The following CADPS variants were observed in gnomAD, a reference collection of about 807,000 sequenced individuals.
The protein encoded by CADPS is calcium dependent secretion activator, also known as calcium-dependent secretion activator 1.
CADPS carries 57 observed loss-of-function variants against 167.3 expected under a neutral mutation model. The observed-to-expected ratio is 0.34, with a 90% CI of 0.28 to 0.42. CADPS has a LOEUF of 0.42. Ranked by LOEUF, CADPS falls within the 20% of genes least tolerant of loss-of-function variation. The pLI is 1.00. For synonymous variants in CADPS, 676 were observed against 635.3 expected (o/e 1.06, Z -0.96); for missense variants, 1,414 against 1,738.1 (o/e 0.81, Z 3.32).
chr3:62,626,407 C>A, intron 6 of CADPS: 3 of 649,538 alleles, frequency 4.6e-6, no homozygotes, highest in African/African-American at 1.8e-5. Flanking sequence ...GAGTGTAAAC[C>A]AGGGAAATAC....
chr3:62,481,938 G>A (rs1011943662), intron 21 of CADPS, 69 bp from the exon 22 acceptor site: 36 of 1,449,806 alleles, frequency 2.5e-5, no homozygotes, highest in East Asian at 7.1e-5. Context: ...AGAAGCACAC[G>A]ACAATTGTAA....
intron 3 of CADPS, among the ~76,000 whole-genome samples, chr3:62,687,492 T>A (rs770533620): frequency 6.6e-6 from 1 of 152,000 alleles, no homozygotes. Context: ...ATGAAAGGAC[T>A]TTGTTGTTTT....
chr3:62,400,796 C>G (rs1374458976), intron 29 of CADPS, among the ~76,000 whole-genome samples: 1 of 152,034 alleles, frequency 6.6e-6, no homozygotes, highest in Non-Finnish European at 1.5e-5. Context: ...GACAGGGTTT[C>G]ACCATGTTGG....
chr3:62,399,605 A>AGT lies in CADPS; in HGVS notation c.3883-22_3883-21dup, dbSNP rs10650575. 86,418 of 1,605,140 alleles carry AGT rather than the reference A, an allele frequency of 0.054. 2,672 individuals are homozygous for AGT. The highest frequency in any genetic ancestry group is 0.14 in the Middle Eastern group (827 of 6,026). On this transcript the variant is annotated intron_variant, in intron 29 of 29. Coordinates refer to ENST00000383710, the MANE Select transcript of CADPS (RefSeq NM_003716.4). The surrounding 1 kb of genome is among the most constrained non-coding windows in gnomAD (Gnocchi z 5.6). ...GGTTTTCTAAGGAAGGAAAAGATAC[A>AGT]GTGATAAGAGAGATCTCATCTCCAT...
chr3:62,505,916 T>C (rs1231836650), intron 17 of CADPS, among the ~76,000 whole-genome samples: 1 of 152,168 alleles, frequency 6.6e-6, no homozygotes, highest in African/African-American at 2.4e-5. Flanking sequence ...TGCAGTGCTT[T>C]CATGAAAAAT....
intron 24 of CADPS, among the ~76,000 whole-genome samples, chr3:62,472,433 G>C (rs1251853258): frequency 1.1e-4 from 17 of 152,138 alleles, no homozygotes; most frequent in Admixed American, 1.1e-3. Flanking sequence ...TGAACTCAAA[G>C]GGATCTCAAT....
At chr3:62,664,356 T>C (rs1332542981) in intron 3 of CADPS, among the ~76,000 whole-genome samples, 1 of 152,202 alleles carries the variant, frequency 6.6e-6, no homozygotes, top group East Asian at 1.9e-4. Context: ...TTTTGCATAA[T>C]ACTCATAGAA....
chr3:62,563,365 G>A (rs1338104430), intron 9 of CADPS, among the ~76,000 whole-genome samples: 1 of 151,920 alleles, frequency 6.6e-6, no homozygotes, highest in African/African-American at 2.4e-5. Context: ...TGTATTCCAA[G>A]GCATTATATA....
chr3:62,530,479 C>T (rs754870251), intron 13 of CADPS, among the ~76,000 whole-genome samples: 6 of 151,986 alleles, frequency 3.9e-5, no homozygotes, highest in African/African-American at 1.5e-4. Context: ...TCCCAATACA[C>T]GGTATTTTTG....
intron 3 of CADPS, among the ~76,000 whole-genome samples, chr3:62,728,860 G>A (rs994656624): frequency 6.6e-6 from 1 of 151,896 alleles, no homozygotes; most frequent in African/African-American, 2.4e-5. Flanking sequence ...ACCTTAAGCA[G>A]CTTCTTGTGT....
intron 1 of CADPS, among the ~76,000 whole-genome samples, chr3:62,782,149 G>T (rs530555982): frequency 6.6e-6 from 1 of 152,322 alleles, no homozygotes; most frequent in South Asian, 2.1e-4. Flanking sequence ...TCAAAGGTGG[G>T]AGACAGAAAA....
At chr3:62,613,315 C>T (rs2061761122) in intron 6 of CADPS, among the ~76,000 whole-genome samples, 1 of 152,188 alleles carries the variant, frequency 6.6e-6, no homozygotes, top group Non-Finnish European at 1.5e-5. Flanking sequence ...TAATCTCTCT[C>T]TGTGGCTCAG....
rs144082599 is a variant in CADPS, at chr3:62,506,424, A to C, written c.2599+6327T>G. On this transcript the variant is annotated intron_variant, in intron 17 of 29. Coordinates refer to ENST00000383710, the MANE Select transcript of CADPS (RefSeq NM_003716.4). The stretch of plus-strand genomic sequence containing the variant: ...ACAAAAACTATTTAAGACAATTAAA[A>C]ATAATTTTATTTAACTTAATACAAA... Among the ~76,000 whole-genome samples, 347 of 152,346 alleles carry C rather than the reference A, an allele frequency of 2.3e-3. 1 individual carries two copies. Among genetic ancestry groups the C allele is most frequent in the African/African-American group, 7.9e-3 (328 of 41,592 alleles).
chr3:62,655,839 G>C (rs2071417781), intron 4 of CADPS, among the ~76,000 whole-genome samples: 1 of 152,092 alleles, frequency 6.6e-6, no homozygotes, highest in Non-Finnish European at 1.5e-5. Flanking sequence ...GTGTCAGGTT[G>C]GTATGGCTGT....
intron 23 of CADPS, among the ~76,000 whole-genome samples, chr3:62,474,781 C>T (rs765425198): frequency 1.3e-5 from 2 of 152,112 alleles, no homozygotes; most frequent in African/African-American, 2.4e-5. Flanking sequence ...ATGTTTATTG[C>T]TGTGGGTTTT....
At chr3:62,805,941 C>G (rs748813032) in intron 1 of CADPS, among the ~76,000 whole-genome samples, 1 of 152,146 alleles carries the variant, frequency 6.6e-6, no homozygotes, top group Non-Finnish European at 1.5e-5. Flanking sequence ...TCACCAGTAA[C>G]CTCCTCCCCT....
chr3:62,765,884 T>G lies in CADPS; in HGVS notation c.542A>C (p.Gln181Pro). 6.2e-7 allele frequency: 1 copy of G among 1,610,254 alleles called. No individual in the cohort carries two copies. The change falls in exon 2 of 30, where the codon CAG becomes CCG. Residue 181 changes from glutamine (Q) to proline (P), a missense_variant. Coordinates refer to ENST00000383710, the MANE Select transcript of CADPS (RefSeq NM_003716.4). The stretch of plus-strand genomic sequence containing the variant: ...AGTGATTCTCACCTCATAGTAACTC[T>G]GCACAGCGTTCATGAAGGCTTCGTC... Reference protein sequence around the residue: ...MADEAFMNAVQSYYEVFLKSD... With the variant: ...MADEAFMNAVPSYYEVFLKSD...
chr3:62,478,406 C>T lies in CADPS; in HGVS notation c.3184G>A (p.Gly1062Ser). ...AAIYDADNGS[G>S]TSEDLFWKLD... ...TTCCAAAACAGATCTTCTGAGGTGC[C>T]TGACCCATTACTGGCAGGACAAAAA... Residue 1062 changes from glycine (G) to serine (S), a missense_variant, in exon 23 of 30, where the codon GGC becomes AGC. Coordinates refer to ENST00000383710, the MANE Select transcript of CADPS (RefSeq NM_003716.4). The surrounding 1 kb of genome is among the most constrained non-coding windows in gnomAD (Gnocchi z 5.7). The T allele has an allele frequency of 6.2e-7, 1 of 1,613,556 alleles. No individual in the cohort carries two copies. The highest frequency in any genetic ancestry group is 8.5e-7 in the Non-Finnish European group (1 of 1,179,700).
chr3:62,657,069 G>A (rs1024015469), intron 4 of CADPS, among the ~76,000 whole-genome samples: 1 of 152,170 alleles, frequency 6.6e-6, no homozygotes, highest in African/African-American at 2.4e-5. Context: ...AACACAGCAT[G>A]GGTGCCATGT....
Sources: allele counts gnomAD v4.1 joint callset (sites outside exome capture counted in the v4.1 genomes callset), GRCh38; gene constraint gnomAD v4.1.1; non-coding constraint Gnocchi (gnomAD v3.1); transcripts MANE v1.5; gene names NCBI Gene and HGNC (gene_info 2026-07-23, HGNC 2026-07-21).